SREBF2: variants seen among roughly 807,000 people sequenced by gnomAD.
SREBF2 encodes the protein sterol regulatory element-binding protein 2.
A neutral mutation model predicts 113.1 loss-of-function variants in SREBF2; 55 were observed. That is an observed-to-expected ratio of 0.49 (90% CI 0.39 to 0.61). The LOEUF is 0.61. Among genes scored for constraint, SREBF2 ranks in the 20% least tolerant of loss-of-function variants. The pLI, the probability that SREBF2 is intolerant of heterozygous loss-of-function variation, is 0.00. For missense variants in SREBF2, 1,349 were observed against 1,487.4 expected (o/e 0.91, Z 1.53); for synonymous variants, 593 against 605.7 (o/e 0.98, Z 0.31).
At chr22:41,879,540 G>A (rs1159080988) in intron 9 of SREBF2, among the ~76,000 whole-genome samples, 2 of 152,238 alleles carry the variant, frequency 1.3e-5, no homozygotes, top group East Asian at 1.9e-4. Context: ...TTGAGGGAAA[G>A]GCAGGGGAGG....
At chr22:41,883,370 G>A (rs1302499349) in intron 10 of SREBF2, among the ~76,000 whole-genome samples, 2 of 152,198 alleles carry the variant, frequency 1.3e-5, no homozygotes, top group Non-Finnish European at 2.9e-5. Context: ...ATGAGACAGT[G>A]GGGCCATTGT....
At chr22:41,859,799 CTTTTTTTTTTTTTTTTTT>C (rs1174473976) in intron 1 of SREBF2, among the ~76,000 whole-genome samples, 3 of 54,346 alleles carry the variant, frequency 5.5e-5, no homozygotes, top group Non-Finnish European at 1.0e-4. Context: ...TATGGTGATT[CTTTTTTTTTTTTTTTTTT>C]TTTTTTTTTT....
At chr22:41,896,508 C>T (rs536910744) in intron 13 of SREBF2, among the ~76,000 whole-genome samples, 24 of 152,224 alleles carry the variant, frequency 1.6e-4, no homozygotes, top group African/African-American at 5.3e-4. Context: ...TACAGGCACG[C>T]GCCACCATGC....
At chr22:41,851,892 G>GCA (rs2076935117) in intron 1 of SREBF2, among the ~76,000 whole-genome samples, 1 of 151,870 alleles carries the variant, frequency 6.6e-6, no homozygotes, top group Non-Finnish European at 1.5e-5. Flanking sequence ...GGGCCAAGGG[G>GCA]GGTGGATCAC....
chr22:41,889,269 G>A (rs2077332159), intron 11 of SREBF2, among the ~76,000 whole-genome samples: 1 of 152,088 alleles, frequency 6.6e-6, no homozygotes, highest in Admixed American at 6.6e-5. Flanking sequence ...TGGGACTGCA[G>A]GTATACACCA....
intron 5 of SREBF2, 109 bp downstream of exon 5, chr22:41,874,128 G>T: frequency 9.3e-7 from 1 of 1,070,808 alleles, no homozygotes; most frequent in African/African-American, 1.6e-5. Context: ...ATACAAGACC[G>T]AGTTAGAGGT....
chr22:41,904,309 A>G (rs900676339), intron 17 of SREBF2, among the ~76,000 whole-genome samples: 10 of 152,208 alleles, frequency 6.6e-5, no homozygotes, highest in Admixed American at 2.6e-4. Flanking sequence ...ACTGAGATAT[A>G]AAGGCATCAA....
chr22:41,891,948 G>C (rs1488300374), intron 11 of SREBF2, among the ~76,000 whole-genome samples: 1 of 152,236 alleles, frequency 6.6e-6, no homozygotes, highest in Non-Finnish European at 1.5e-5. Context: ...TGGGGTCCTG[G>C]AATGATGTTA....
chr22:41,868,072 G>C (rs2077103040), intron 2 of SREBF2, among the ~76,000 whole-genome samples: 1 of 152,202 alleles, frequency 6.6e-6, no homozygotes, highest in South Asian at 2.1e-4. Context: ...AAAGGGGCCT[G>C]TTCTTTCTGT....
intron 1 of SREBF2, among the ~76,000 whole-genome samples, chr22:41,859,184 A>G (rs897206408): frequency 1.3e-5 from 2 of 152,178 alleles, no homozygotes; most frequent in Non-Finnish European, 2.9e-5. Context: ...TAGACCAGAA[A>G]AACTAAGAAA....
chr22:41,874,093 G>A lies in SREBF2; in HGVS notation c.1089+74G>A, dbSNP rs2077170786. 4.7e-6 allele frequency: 7 copies of A among 1,498,406 alleles called. No homozygotes were observed. In the Admixed American group the frequency reaches 8.7e-5, roughly 19 times the overall value. The allele number at this position is 1,498,406 out of a possible 1,614,324, so 92.8% of individuals were successfully genotyped here. A position where few individuals can be genotyped will look rare whatever the true frequency, so the allele number is the denominator to read the frequency against. ...CCTGTTTTTGCCTCAGGAGCCTAGA[G>A]AAGTCCCAGGCTCAAGGTAAGTGAA... On this transcript the variant is annotated intron_variant, in intron 5 of 18. Transcript: ENST00000361204.
intron 15 of SREBF2, chr22:41,899,993 C>T: frequency 8.0e-7 from 1 of 1,244,708 alleles, no homozygotes; most frequent in South Asian, 1.6e-5. Flanking sequence ...AGAACGGGTA[C>T]AACACCTTAT....
At chr22:41,892,986 C>T in intron 11 of SREBF2, 131 bp from the exon 12 acceptor site, 2 of 1,115,032 alleles carry the variant, frequency 1.8e-6, no homozygotes, top group Non-Finnish European at 1.3e-6. Context: ...CTGTGGGAGT[C>T]CTATCCCTGT....
chr22:41,875,664 T>C lies in SREBF2; in HGVS notation c.1326T>C (p.Ala442=), dbSNP rs776255333. 1 of 1,614,214 alleles carries C rather than the reference T, an allele frequency of 6.2e-7. No individual in the cohort carries two copies. Among genetic ancestry groups the C allele is most frequent in the Non-Finnish European group, 8.5e-7 (1 of 1,180,026 alleles). Residue 442 remains alanine, a synonymous_variant, in exon 7 of 19, where the codon GCT becomes GCC. Transcript: ENST00000361204. Reference sequence around the variant, plus strand: ...CAGCCTCTGACTCAGGGTCCCAGGCTGGCTTCTCTCCCTACTCCATTGACT... The same window carrying C: ...CAGCCTCTGACTCAGGGTCCCAGGCCGGCTTCTCTCCCTACTCCATTGACT... ...SPPASDSGSQ[A]GFSPYSIDSE...
At chr22:41,893,034 C>T (rs2077379278) in intron 11 of SREBF2, 83 bp from the exon 12 acceptor site, 1 of 1,535,642 alleles carries the variant, frequency 6.5e-7, no homozygotes, top group Non-Finnish European at 8.9e-7. Context: ...CCCACCTCCA[C>T]CATGGTGCTT....
intron 1 of SREBF2, among the ~76,000 whole-genome samples, chr22:41,846,940 C>T (rs2076882182): frequency 6.6e-6 from 1 of 152,146 alleles, no homozygotes; most frequent in Non-Finnish European, 1.5e-5. Flanking sequence ...AAAACGAATA[C>T]TTTTCAGTCT....
chr22:41,842,851 G>A (rs764685252), intron 1 of SREBF2, among the ~76,000 whole-genome samples: 11 of 152,144 alleles, frequency 7.2e-5, no homozygotes, highest in Non-Finnish European at 1.3e-4. Context: ...TTAGCCGGGC[G>A]TGGTGGCATG....
chr22:41,896,248 G>A (rs533979616), intron 13 of SREBF2, among the ~76,000 whole-genome samples: 9 of 152,246 alleles, frequency 5.9e-5, no homozygotes, highest in South Asian at 2.1e-4. Flanking sequence ...GGAATGTGCC[G>A]GGCAATTTTT....
intron 13 of SREBF2, among the ~76,000 whole-genome samples, chr22:41,896,236 A>G (rs1339534099): frequency 6.6e-6 from 1 of 152,040 alleles, no homozygotes; most frequent in East Asian, 1.9e-4. Flanking sequence ...CCAGCCCCTC[A>G]TGGAATGTGC....
Sources: allele counts gnomAD v4.1 joint callset (sites outside exome capture counted in the v4.1 genomes callset), GRCh38; gene constraint gnomAD v4.1.1; transcripts MANE v1.5; gene names NCBI Gene and HGNC (gene_info 2026-07-23, HGNC 2026-07-21).